NADSYN1: variants seen among roughly 807,000 people sequenced by gnomAD.
NADSYN1 encodes the protein NAD synthetase 1, also known as glutamine-dependent NAD(+) synthetase.
A neutral mutation model predicts 99.3 loss-of-function variants in NADSYN1; 80 were observed. That is an observed-to-expected ratio of 0.81 (90% confidence interval 0.67 to 0.97). The LOEUF is 0.97. Ranked by LOEUF, NADSYN1 falls within the 50% of genes least tolerant of loss-of-function variation. NADSYN1 has a pLI of 0.00. For missense variants in NADSYN1, 859 were observed against 948.5 expected (o/e 0.91, Z 1.24); for synonymous variants, 385 against 372.1 (o/e 1.03, Z -0.40).
rs780012394 is a variant in NADSYN1, at chr11:71,491,883, C to CA, written c.1745dup (p.Val583GlyfsTer52). ...AGAGCTGGAGCCCTTGGCTGATGGA[C>CA]AGGTGTCCCAGACCGACGAGGTAAT... is the stretch of plus-strand genomic sequence containing the variant. On this transcript the variant is annotated frameshift_variant, in exon 18 of 21. Coordinates refer to ENST00000319023, the MANE Select transcript of NADSYN1 (RefSeq NM_018161.5). LOFTEE classifies it high-confidence loss of function. 1.2e-6 allele frequency: 2 copies of CA among 1,614,080 alleles called. No homozygotes were observed. Among genetic ancestry groups the CA allele is most frequent in the Non-Finnish European group, 1.7e-6 (2 of 1,180,004 alleles).
In NADSYN1 at chr11:71,481,996, G is replaced by T. The variant is rs773102573; in HGVS notation, c.1121G>T (p.Cys374Phe). 1 of 1,612,242 alleles carries T rather than the reference G, an allele frequency of 6.2e-7. No homozygotes were observed. Among genetic ancestry groups the T allele is most frequent in the African/African-American group, 1.3e-5 (1 of 74,884 alleles). The change falls in exon 13 of 21, where the codon TGC becomes TTC. Residue 374 changes from cysteine to phenylalanine, a missense_variant. Physicochemically the swap from Cys to Phe is radical, Grantham distance 205. Transcript: ENST00000319023. ...GCCTGCCTCATCTACTCCATGTGCT[G>T]CCAGGTCTGCGAGGCCGTGAGGAGT... The part of the protein sequence containing the change: ...ATACLIYSMC[C>F]QVCEAVRSGN...
rs548369523 is a variant in NADSYN1, at chr11:71,501,580, C to T, written c.*228C>T. 5.4e-5 allele frequency: 29 copies of T among 536,652 alleles called. No individual in the cohort carries two copies. The highest frequency in any genetic ancestry group is 5.4e-4 in the East Asian group (17 of 31,626). 33.2% of individuals were successfully genotyped at this position (536,652 alleles called of 1,614,324 possible). On this transcript the variant is annotated 3_prime_UTR_variant, in exon 21 of 21. Transcript: ENST00000319023. Reference sequence around the variant, plus strand: ...GCACATGATTTTGACCTCCCGCCAGCGTGCGCTTCCCCGCGAAGTCTGGCA... The same window carrying T: ...GCACATGATTTTGACCTCCCGCCAGTGTGCGCTTCCCCGCGAAGTCTGGCA...
intron 16 of NADSYN1, among the ~76,000 whole-genome samples, chr11:71,488,213 A>G (rs190611225): frequency 2.2e-4 from 34 of 152,280 alleles, no homozygotes; most frequent in Admixed American, 7.2e-4. Context: ...TGAATGAGTC[A>G]GAAACAATTC....
intron 3 of NADSYN1, chr11:71,460,973 T>C (rs1949546629): frequency 6.6e-6 from 1 of 152,290 alleles, no homozygotes; most frequent in Non-Finnish European, 1.5e-5. Flanking sequence ...TTTGCTTTGC[T>C]CACTTACTGA....
In NADSYN1 at chr11:71,472,504, A is replaced by T. The variant is rs1459417101; in HGVS notation, c.459+4A>T. 1.2e-6 allele frequency: 2 copies of T among 1,613,064 alleles called. No homozygotes were observed. Among genetic ancestry groups the T allele is most frequent in the South Asian group, 2.2e-5 (2 of 91,056 alleles). On this transcript the variant is annotated splice_donor_region_variant and intron_variant, in intron 6 of 20. Transcript: ENST00000319023. ...GATACAGGACCTGACAAAGCAGGTG[A>T]GTCCCTGGGTGTGGAGCCCGTTTTT...
chr11:71,458,306 G>T (rs1477431741), intron 2 of NADSYN1, 122 bp from the exon 3 acceptor site: 1 of 722,762 alleles, frequency 1.4e-6, no homozygotes, highest in Non-Finnish European at 2.5e-6. Context: ...CACCTGGAAG[G>T]CTTTGAGAAA....
intron 9 of NADSYN1, among the ~76,000 whole-genome samples, chr11:71,477,749 G>T (rs989136652): frequency 1.3e-5 from 2 of 152,212 alleles, no homozygotes; most frequent in East Asian, 3.9e-4. Flanking sequence ...GGATGCCGGG[G>T]CTGCGGCTCC....
intron 16 of NADSYN1, among the ~76,000 whole-genome samples, chr11:71,489,863 T>C (rs1319013087): frequency 6.6e-6 from 1 of 152,136 alleles, no homozygotes; most frequent in East Asian, 1.9e-4. Context: ...AGGGCACCAT[T>C]GAGGGAATTC....
At chr11:71,484,724 C>A in intron 15 of NADSYN1, 2 of 428,944 alleles carry the variant, frequency 4.7e-6, no homozygotes, top group East Asian at 4.3e-5. Context: ...GATGTGCGTG[C>A]TCGAGTGTGT....
chr11:71,481,611 G>A (rs1441131826), intron 12 of NADSYN1: 7 of 618,734 alleles, frequency 1.1e-5, no homozygotes, highest in East Asian at 8.2e-5. Context: ...CACCTTTGGA[G>A]GCTCAGCGGA....
rs1016339390 is a variant in NADSYN1 at position 71,501,777 on chromosome 11, A to C, written c.*425A>C. 5.2e-6 allele frequency: 1 copy of C among 191,446 alleles called. No homozygotes were observed. The highest frequency in any genetic ancestry group is 1.1e-5 in the Non-Finnish European group (1 of 91,544). The allele number at this position is 191,446 out of a possible 1,614,324, so 11.9% of individuals were successfully genotyped here. On this transcript the variant is annotated 3_prime_UTR_variant, in exon 21 of 21. Transcript: ENST00000319023. ...CACACACCTTCCTGTCCTGGGTTCC[A>C]GAAGGTTCTGGGGAGATGGTCCCTG...
chr11:71,472,699 C>T (rs560723135), intron 6 of NADSYN1, among the ~76,000 whole-genome samples, 199 bp downstream of exon 6: 17 of 152,326 alleles, frequency 1.1e-4, no homozygotes, highest in Non-Finnish European at 1.8e-4. Flanking sequence ...GGTGGCTCCT[C>T]CTTGCCTTGG....
At chr11:71,463,606 G>A (rs1949565455) in intron 4 of NADSYN1, 121 bp downstream of exon 4, 3 of 971,228 alleles carry the variant, frequency 3.1e-6, no homozygotes, top group Non-Finnish European at 4.7e-6. Context: ...GCTTCTGGAA[G>A]TGCCCGGGCT....
At chr11:71,471,396 G>A (rs1430354999) in intron 5 of NADSYN1, among the ~76,000 whole-genome samples, 1 of 152,204 alleles carries the variant, frequency 6.6e-6, no homozygotes, top group African/African-American at 2.4e-5. Context: ...CAGGTTCCAG[G>A]TCCTCTTAGG....
intron 5 of NADSYN1, among the ~76,000 whole-genome samples, chr11:71,468,271 T>C (rs796803137): frequency 1.3e-5 from 2 of 152,222 alleles, no homozygotes; most frequent in African/African-American, 4.8e-5. Flanking sequence ...AAAGGATTGG[T>C]GAAAAAGGAT....
At chr11:71,462,648 T>C (rs1214682536) in intron 3 of NADSYN1, among the ~76,000 whole-genome samples, 2 of 152,222 alleles carry the variant, frequency 1.3e-5, no homozygotes, top group Non-Finnish European at 2.9e-5. Flanking sequence ...CAGATACTTT[T>C]GGGTTCACAC....
rs190603383 is a variant in NADSYN1 at position 71,455,359 on chromosome 11, A to G, written c.146+189A>G. 4.9e-4 allele frequency: 260 copies of G among 530,710 alleles called. 2 individuals are homozygous for G. The highest frequency in any genetic ancestry group is 4.4e-3 in the African/African-American group (233 of 52,624). 32.9% of individuals were successfully genotyped at this position (530,710 alleles called of 1,614,324 possible). ...AGGCCCAGGGAGGCTGAATAAGTCT[A>G]GATTCCCATGTTGAGTAATTAAAAG... On this transcript the variant is annotated intron_variant, in intron 2 of 20. Coordinates refer to ENST00000319023, the MANE Select transcript of NADSYN1 (RefSeq NM_018161.5).
intron 3 of NADSYN1, chr11:71,460,299 C>T (rs1373020584): frequency 6.6e-6 from 1 of 152,300 alleles, no homozygotes; most frequent in Non-Finnish European, 1.5e-5. Flanking sequence ...AGGACTTACT[C>T]TAGTCACTTC....
Position 71,501,250 on chromosome 11 carries a change from GC to G in NADSYN1, c.2071-48del, listed in dbSNP as rs1949855480. 59 of 1,467,750 alleles carry G rather than the reference GC, an allele frequency of 4.0e-5. 1 individual carries two copies. The South Asian group carries it at 7.8e-4, about 19-fold the overall frequency. 90.9% of individuals were successfully genotyped at this position (1,467,750 alleles called of 1,614,324 possible). Reference sequence around the variant, plus strand: ...TTTGGTGCGTGCCAGTGTTTCAACAGCCCCACAGTCCGTCTTTGCGGGGCTG... The same window carrying G: ...TTTGGTGCGTGCCAGTGTTTCAACAGCCCACAGTCCGTCTTTGCGGGGCTG... On this transcript the variant is annotated intron_variant, in intron 20 of 20. Transcript: ENST00000319023.
Sources: allele counts gnomAD v4.1 joint callset (sites outside exome capture counted in the v4.1 genomes callset), GRCh38; gene constraint gnomAD v4.1.1; transcripts MANE v1.5; gene names NCBI Gene and HGNC (gene_info 2026-07-23, HGNC 2026-07-21).